Variants in SLC17A1 observed in about 807,000 individuals in gnomAD.
The protein encoded by SLC17A1 is solute carrier family 17 member 1, also known as sodium-dependent phosphate transport protein 1.
Under a neutral mutation model 53.5 loss-of-function variants are expected in SLC17A1, and 51 were observed. The observed-to-expected ratio is 0.95, with a 90% confidence interval of 0.76 to 1.20. The LOEUF (loss-of-function observed/expected upper bound fraction) is 1.20, where lower values mean the gene tolerates loss of function less well. Ranked by LOEUF, SLC17A1 falls within the 50% of genes most tolerant of loss-of-function variation. The pLI is 0.00. For missense variants in SLC17A1, 538 were observed against 568.2 expected, an observed-to-expected ratio of 0.95 and a Z score of 0.54; for synonymous variants, 179 against 198.8, an observed-to-expected ratio of 0.90 and a Z score of 0.84.
intron 3 of SLC17A1, among the ~76,000 whole-genome samples, chr6:25,823,124 G>C (rs986428794): frequency 6.6e-6 from 1 of 152,000 alleles, no homozygotes; most frequent in African/African-American, 2.4e-5. Context: ...GTTGTTCTTT[G>C]TGTCAGTAGT....
At chr6:25,756,321 A>G in the SLC17A1 span, among the ~76,000 whole-genome samples, 296 of 152,266 alleles carry the variant, frequency 1.9e-3, 1 homozygote, top group African/African-American at 6.1e-3. Context: ...GTTCTTGCTC[A>G]GCGCTGTCTC....
intron 12 of SLC17A1, 145 bp downstream of exon 12, chr6:25,798,638 A>T (rs879081514): frequency 1.6e-6 from 1 of 617,074 alleles, no homozygotes; most frequent in African/African-American, 1.9e-5. Flanking sequence ...CCATTTCAGG[A>T]TGTCTAATAT....
intron 12 of SLC17A1, among the ~76,000 whole-genome samples, chr6:25,786,231 T>C (rs1011760311): frequency 2.0e-5 from 3 of 152,274 alleles, no homozygotes; most frequent in Non-Finnish European, 2.9e-5. Context: ...AGACATATTA[T>C]GTAATTTCAT....
chr6:25,808,227 G>A (rs1224492486), intron 10 of SLC17A1, among the ~76,000 whole-genome samples: 1 of 151,948 alleles, frequency 6.6e-6, no homozygotes, highest in Non-Finnish European at 1.5e-5. Flanking sequence ...GTGATGTGGA[G>A]CATTTTTTCT....
chr6:25,820,033 A>G (rs1764499187), intron 3 of SLC17A1, 118 bp from the exon 4 acceptor site: 2 of 634,456 alleles, frequency 3.2e-6, no homozygotes, highest in Non-Finnish European at 5.5e-6. Context: ...CCCTCTTACT[A>G]GTATTCTTTA....
chr6:25,830,626 TTGA>T lies in SLC17A1; in HGVS notation c.-50-22_-50-20del. ...CCACCCACTGTGAGTGCAAAACACGTTGATGTCAGCATAATGTAGAGAGGCAAC... is the reference window on the plus strand; with the variant it reads ...CCACCCACTGTGAGTGCAAAACACGTTGTCAGCATAATGTAGAGAGGCAAC... On this transcript the variant is annotated intron_variant, in intron 1 of 12. Transcript: ENST00000244527. The T allele has an allele frequency of 6.3e-7, 1 of 1,579,000 alleles. No individual in the cohort carries two copies. The highest frequency in any genetic ancestry group is 1.7e-5 in the Admixed American group (1 of 59,908).
chr6:25,756,706 C>T, the SLC17A1 span, among the ~76,000 whole-genome samples: 2 of 152,124 alleles, frequency 1.3e-5, no homozygotes, highest in Non-Finnish European at 2.9e-5. Context: ...AAGGAGAGGG[C>T]AATTTAATGA....
At position 25,819,209 on chromosome 6, in the gene SLC17A1, G is replaced by A. The variant is rs1270543544; in HGVS notation, c.530-55C>T. 8 of 1,259,320 alleles carry A rather than the reference G, an allele frequency of 6.4e-6. No homozygotes were observed. In the African/African-American group the frequency reaches 1.2e-4, roughly 19 times the overall value. 78.0% of individuals were successfully genotyped at this position (1,259,320 alleles called of 1,614,324 possible). On this transcript the variant is annotated intron_variant, in intron 5 of 12. Transcript: ENST00000244527. ...ATTAATGCAGGCATCTGAAAGCAGA[G>A]ATAATGTAGCCTCACTGTAGCAATG...
At chr6:25,758,074 A>G in the SLC17A1 span, among the ~76,000 whole-genome samples, 1 of 152,160 alleles carries the variant, frequency 6.6e-6, no homozygotes, top group Non-Finnish European at 1.5e-5. Context: ...AGTGTGGTGT[A>G]GACCTTTGCT....
intron 12 of SLC17A1, among the ~76,000 whole-genome samples, chr6:25,785,971 G>A (rs1338245072): frequency 2.0e-5 from 3 of 152,150 alleles, no homozygotes; most frequent in African/African-American, 7.2e-5. Flanking sequence ...CCACTTGTAG[G>A]TATATACCCC....
At position 25,811,464 on chromosome 6, in the gene SLC17A1, A is replaced by G; in HGVS notation, c.1112T>C (p.Leu371Pro). The G allele has an allele frequency of 6.2e-7, 1 of 1,614,028 alleles. No homozygotes were observed. Among genetic ancestry groups the G allele is most frequent in the Admixed American group, 1.7e-5 (1 of 60,014 alleles). ...GCAAAAGCTGCCTGTTGCACCAGCAAGTATTAGGAAAATGACAATGCTGTA... is the reference window on the plus strand; with the variant it reads ...GCAAAAGCTGCCTGTTGCACCAGCAGGTATTAGGAAAATGACAATGCTGTA... ...TFYSIVIFLI[L>P]AGATGSFCLG... The change falls in exon 10 of 13, where the codon CTT (leucine) becomes CCT (proline). Residue 371 changes from leucine to proline, a missense_variant. Physicochemically the swap from Leu to Pro is moderately conservative, Grantham distance 98 (BLOSUM62 -3). Coordinates refer to ENST00000244527, the MANE Select transcript of SLC17A1 (RefSeq NM_005074.5).
the SLC17A1 span, among the ~76,000 whole-genome samples, chr6:25,748,440 A>G: frequency 6.6e-6 from 1 of 152,158 alleles, no homozygotes; most frequent in African/African-American, 2.4e-5. Flanking sequence ...ACACCAATAA[A>G]CTATTTATAA....
the SLC17A1 span, among the ~76,000 whole-genome samples, chr6:25,736,477 A>G: frequency 6.6e-6 from 1 of 152,160 alleles, no homozygotes; most frequent in African/African-American, 2.4e-5. Flanking sequence ...GAAGCATGAA[A>G]TTAAGCTAAA....
chr6:25,729,891 T>C, the SLC17A1 span, among the ~76,000 whole-genome samples: 3 of 152,198 alleles, frequency 2.0e-5, no homozygotes, highest in Non-Finnish European at 4.4e-5. Flanking sequence ...TATTGTACTA[T>C]TGATTTCTTT....
chr6:25,799,466 C>G (rs1487466558), intron 11 of SLC17A1, among the ~76,000 whole-genome samples: 5 of 151,902 alleles, frequency 3.3e-5, no homozygotes. Context: ...CTATATTACT[C>G]ATTAAACATT....
rs954028496 is a variant in SLC17A1, at chr6:25,809,199, G to A, written c.1178+2199C>T. ...AGTTATAAAGTAAGAACTAAATAAT[G>A]TATACACATGGACAGAGTGTAGAAT... is the stretch of plus-strand genomic sequence containing the variant. On this transcript the variant is annotated intron_variant, in intron 10 of 12. Transcript: ENST00000244527. 7.2e-5 allele frequency among the ~76,000 whole-genome samples: 11 copies of A among 152,132 alleles called. No individual in the cohort carries two copies. In the South Asian group the frequency reaches 1.9e-3, roughly 26 times the overall value.
At chr6:25,726,313 C>T in the SLC17A1 span, 7 of 1,614,048 alleles carry the variant, frequency 4.3e-6, no homozygotes, top group South Asian at 2.2e-5. Flanking sequence ...TTTGTTATCG[C>T]GAGACGCATT....
At chr6:25,740,909 A>T in the SLC17A1 span, among the ~76,000 whole-genome samples, 1 of 152,322 alleles carries the variant, frequency 6.6e-6, no homozygotes, top group African/African-American at 2.4e-5. Context: ...AAGTGAAATA[A>T]GACAGGCATA....
chr6:25,742,433 G>A, the SLC17A1 span, among the ~76,000 whole-genome samples: 1 of 151,152 alleles, frequency 6.6e-6, no homozygotes, highest in African/African-American at 2.4e-5. Flanking sequence ...GTCAAGGAGG[G>A]AGGATGGCTT....
Sources: allele counts gnomAD v4.1 joint callset (sites outside exome capture counted in the v4.1 genomes callset), GRCh38; gene constraint gnomAD v4.1.1; transcripts MANE v1.5; gene names NCBI Gene and HGNC (gene_info 2026-07-23, HGNC 2026-07-21).